CTU2: variants seen among roughly 807,000 people sequenced by gnomAD.
CTU2 encodes cytoplasmic tRNA 2-thiolation protein 2.
In CTU2, 80 loss-of-function variants were observed where a neutral mutation model predicts 64.1. That is an observed-to-expected ratio of 1.25 (90% CI 1.04 to 1.50). The LOEUF (loss-of-function observed/expected upper bound fraction) is 1.50, where lower values mean the gene tolerates loss of function less well. Ranked by LOEUF, CTU2 falls within the 40% of genes most tolerant of loss-of-function variation. CTU2 has a pLI of 0.00. For synonymous variants in CTU2, 482 were observed against 285.3 expected (o/e 1.69, Z -6.95); for missense variants, 1,110 against 690.2 (o/e 1.61, Z -6.81).
At position 88,711,646 on chromosome 16, in the gene CTU2, A is replaced by C; in HGVS notation, c.294A>C (p.Gln98His). Residue 98 changes from glutamine to histidine, a missense_variant, in exon 5 of 15, where the codon CAA becomes CAC. Gln to His is a conservative substitution (Grantham distance 24, BLOSUM62 0). Transcript: ENST00000453996. ...MVWQVLEGLSQDSAKRLRFVA... is the reference protein window; with the variant it reads ...MVWQVLEGLSHDSAKRLRFVA... ...GCTTCTCCCTCTAGGGCCTGAGCCA[A>C]GATTCTGCCAAAAGACTGCGCTTTG... 9.3e-6 allele frequency: 15 copies of C among 1,606,104 alleles called. No homozygotes were observed. The highest frequency in any genetic ancestry group is 1.3e-5 in the Non-Finnish European group (15 of 1,174,910).
At chr16:88,709,035 G>A (rs1023322588) in intron 2 of CTU2, 1 of 152,246 alleles carries the variant, frequency 6.6e-6, no homozygotes, top group African/African-American at 2.4e-5. Context: ...AGCACTCTGG[G>A]AGGCCCAGGC....
In CTU2 at chr16:88,712,836, A is replaced by G. The variant is rs1300654678; in HGVS notation, c.668A>G (p.Glu223Gly). The G allele has an allele frequency of 1.3e-6, 2 of 1,589,930 alleles. No individual in the cohort carries two copies. The highest frequency in any genetic ancestry group is 1.7e-6 in the Non-Finnish European group (2 of 1,169,214). Residue 223 changes from glutamate to glycine, a missense_variant, in exon 7 of 15, where the codon GAG becomes GGG. Physicochemically the swap from Glu to Gly is moderately conservative, Grantham distance 98. Transcript: ENST00000453996. ...AGACCGCCTGCCCCTGCCCAGACTG[A>G]GGCTCTTTCCCAACTGTTCTGCTCA... ...LARPPAPAQT[E>G]ALSQLFCSVR...
In CTU2 at chr16:88,714,446, C is replaced by G. The variant is rs778227960; in HGVS notation, c.1161C>G (p.Arg387=). 6 of 1,612,582 alleles carry G rather than the reference C, an allele frequency of 3.7e-6. No homozygotes were observed. Among genetic ancestry groups the G allele is most frequent in the Non-Finnish European group, 5.1e-6 (6 of 1,179,846 alleles). The change falls in exon 11 of 15, where the codon CGC becomes CGG. Residue 387 remains arginine, a synonymous_variant. Coordinates refer to ENST00000453996, the MANE Select transcript of CTU2 (RefSeq NM_001012759.3). ...DGPAAGDSGP[R]CLLCMCALDV... ...CTGCTGCTGGCGACTCCGGCCCCCG[C>G]TGCCTCCTCTGCATGTGTGCCCTGG... is the stretch of plus-strand genomic sequence containing the variant.
chr16:88,714,683 G>C lies in CTU2; in HGVS notation c.1298G>C (p.Cys433Ser), dbSNP rs142662688. 1.4e-3 allele frequency: 2,240 copies of C among 1,612,224 alleles called. 5 individuals carry two copies. Among genetic ancestry groups the C allele is most frequent in the South Asian group, 2.0e-3 (178 of 91,046 alleles). Residue 433 changes from cysteine (C) to serine (S), a missense_variant, in exon 12 of 15, where the codon TGC becomes TCC. Cys to Ser is a moderately radical substitution (Grantham distance 112). Transcript: ENST00000453996. ...GAGACCCGGACACCCCCGGGGCCCT[G>C]CTGTTCTCCAGGGGTGGGCTGGGCC... Reference protein sequence around the residue: ...LTETRTPPGPCCSPGVGWAQR... With the variant: ...LTETRTPPGPSCSPGVGWAQR...
At chr16:88,715,132 G>T in intron 14 of CTU2, 26 bp downstream of exon 14, 1 of 1,604,836 alleles carries the variant, frequency 6.2e-7, no homozygotes, top group Non-Finnish European at 8.5e-7. Flanking sequence ...CTGCCGTGGC[G>T]CGTGGGTAAG....
At chr16:88,710,713 CG>C (rs1221859707) in intron 4 of CTU2, 1 of 174,724 alleles carries the variant, frequency 5.7e-6, no homozygotes, top group African/African-American at 2.4e-5. Context: ...GCTCAACCTG[CG>C]TAGAAACACA....
chr16:88,706,973 C>T (rs1182939636), intron 1 of CTU2, 163 bp from the exon 2 acceptor site: 20 of 682,984 alleles, frequency 2.9e-5, no homozygotes, highest in Admixed American at 7.9e-5. Context: ...CTTTGTTTTT[C>T]TTGAAGTTTG....
intron 2 of CTU2, among the ~76,000 whole-genome samples, chr16:88,708,648 T>C (rs1231993385): frequency 1.3e-5 from 2 of 152,140 alleles, no homozygotes; most frequent in African/African-American, 2.4e-5. Context: ...TTACTGTCTG[T>C]AAAGGAACCA....
chr16:88,713,631 C>G lies in CTU2; in HGVS notation c.874-16C>G, dbSNP rs1163417120. The G allele has an allele frequency of 6.2e-7, 1 of 1,609,348 alleles. No homozygotes were observed. ...TCGGGCCTTGACCTGGACCACACAG[C>G]CCCTGCCTCCCGCAGGGCTTCTCGG... On this transcript the variant is annotated splice_polypyrimidine_tract_variant and intron_variant, in intron 8 of 14. Transcript: ENST00000453996.
intron 9 of CTU2, 59 bp from the exon 10 acceptor site, chr16:88,714,077 G>T (rs1435129713): frequency 2.6e-6 from 4 of 1,535,908 alleles, no homozygotes; most frequent in African/African-American, 1.4e-5. Flanking sequence ...TGGGGACTCT[G>T]CCCCAGCCTG....
chr16:88,707,809 G>GT (rs141324453), intron 2 of CTU2, among the ~76,000 whole-genome samples: 135 of 30,834 alleles, frequency 4.4e-3, no homozygotes, highest in African/African-American at 0.013. Flanking sequence ...TGTTGTTGTT[G>GT]TTGTTTTTTT....
In CTU2 at chr16:88,715,110, C is replaced by T. The variant is rs1255740512; in HGVS notation, c.1478+4C>T. The T allele has an allele frequency of 5.0e-6, 8 of 1,593,192 alleles. No homozygotes were observed. Among genetic ancestry groups the T allele is most frequent in the South Asian group, 3.4e-5 (3 of 88,004 alleles). ...AGGCCCAGCTCCGCACACAGAGGTA[C>T]TGGGGCCCACACTGCCGTGGCGCGT... On this transcript the variant is annotated splice_donor_region_variant and intron_variant, in intron 14 of 14. Coordinates refer to ENST00000453996, the MANE Select transcript of CTU2 (RefSeq NM_001012759.3).
chr16:88,711,339 C>T (rs925709429), intron 4 of CTU2, among the ~76,000 whole-genome samples: 3 of 152,110 alleles, frequency 2.0e-5, no homozygotes, highest in Admixed American at 6.5e-5. Context: ...CCCCGTAACC[C>T]AGCCCCCTCT....
chr16:88,707,093 T>C, intron 1 of CTU2, 43 bp from the exon 2 acceptor site: 1 of 1,594,334 alleles, frequency 6.3e-7, no homozygotes, highest in Non-Finnish European at 8.6e-7. Context: ...GTGGGGAAGA[T>C]GTGATCTGTG....
In CTU2 at chr16:88,709,885, C is replaced by T. The variant is rs375716633; in HGVS notation, c.144-53C>T. ...CGTCACCTGGCAGCGCCTCAGGACGCTGCTCACTGTGCGGGTAGCAGGCGG... is the reference window on the plus strand; with the variant it reads ...CGTCACCTGGCAGCGCCTCAGGACGTTGCTCACTGTGCGGGTAGCAGGCGG... On this transcript the variant is annotated intron_variant, in intron 2 of 14. Coordinates refer to ENST00000453996, the MANE Select transcript of CTU2 (RefSeq NM_001012759.3). 4 of 1,514,278 alleles carry T rather than the reference C, an allele frequency of 2.6e-6. No individual in the cohort carries two copies. The Admixed American group carries it at 6.8e-5, about 26-fold the overall frequency. 93.8% of individuals were successfully genotyped at this position (1,514,278 alleles called of 1,614,324 possible).
rs373369582 is a variant in CTU2 at position 88,714,985 on chromosome 16, C to T, written c.1419+59C>T. 301 of 1,600,068 alleles carry T rather than the reference C, an allele frequency of 1.9e-4. 1 individual carries two copies. Among genetic ancestry groups the T allele is most frequent in the Non-Finnish European group, 1.9e-4 (225 of 1,171,468 alleles). The stretch of plus-strand genomic sequence containing the variant: ...TGGGGACGCGGGAAGGCCGTCACCT[C>T]GTGGGTGGCTTGAGGGGGTGCTGGC... On this transcript the variant is annotated intron_variant, in intron 13 of 14. Transcript: ENST00000453996.
Position 88,706,589 on chromosome 16 carries a change from C to T in CTU2, c.59C>T (p.Pro20Leu), listed in dbSNP as rs1910851817. The change falls in exon 1 of 15, where the codon CCG becomes CTG. Residue 20 changes from proline to leucine, a missense_variant. Coordinates refer to ENST00000453996, the MANE Select transcript of CTU2 (RefSeq NM_001012759.3). The stretch of plus-strand genomic sequence containing the variant: ...GCGCCTGAGGAGCCGCCCCCGGCGC[C>T]GCGGCCCAGGTAAGAGCTGGCGGCC... ...EPAPEEPPPA[P>L]RPSREQKCVK... The T allele has an allele frequency of 8.9e-6, 13 of 1,452,592 alleles. No homozygotes were observed. The highest frequency in any genetic ancestry group is 1.5e-5 in the African/African-American group (1 of 67,226). 90.0% of individuals were successfully genotyped at this position (1,452,592 alleles called of 1,614,324 possible). A position where few individuals can be genotyped will look rare whatever the true frequency, so the allele number is the denominator to read the frequency against.
intron 2 of CTU2, among the ~76,000 whole-genome samples, chr16:88,707,960 G>A (rs1158459011): frequency 2.0e-5 from 3 of 152,102 alleles, no homozygotes; most frequent in Non-Finnish European, 2.9e-5. Flanking sequence ...ACAGGTGCCT[G>A]CCATCATGCC....
intron 4 of CTU2, chr16:88,710,530 ACAGCGCG>A (rs1220156672): frequency 4.8e-5 from 26 of 538,776 alleles, no homozygotes; most frequent in African/African-American, 4.4e-4. Flanking sequence ...AGCTGGGTCC[ACAGCGCG>A]TGTGTGCGGC....
Sources: allele counts gnomAD v4.1 joint callset (sites outside exome capture counted in the v4.1 genomes callset), GRCh38; gene constraint gnomAD v4.1.1; transcripts MANE v1.5; gene names NCBI Gene and HGNC (gene_info 2026-07-23, HGNC 2026-07-21).